LARGE1: variants seen among roughly 807,000 people sequenced by gnomAD.
LARGE1 encodes LARGE xylosyl- and glucuronyltransferase 1, also known as xylosyl- and glucuronyltransferase LARGE1.
In LARGE1, 43 loss-of-function variants were observed where a neutral mutation model predicts 87.6. The observed-to-expected ratio is 0.49, with a 90% CI of 0.38 to 0.63. LARGE1 has a LOEUF of 0.63. Ranked by LOEUF, LARGE1 falls within the 30% of genes least tolerant of loss-of-function variation. The probability of loss-of-function intolerance (pLI) is 0.00; values close to 1 mark genes in which losing one functional copy is unlikely to be tolerated. For missense variants in LARGE1, 802 were observed against 1,000.2 expected, an observed-to-expected ratio of 0.80 and a Z score of 2.67; for synonymous variants, 434 against 394.6, an observed-to-expected ratio of 1.10 and a Z score of -1.18.
Position 33,564,216 on chromosome 22 carries a change from C to G in LARGE1, c.787+632G>C, listed in dbSNP as rs572830156. Among the ~76,000 whole-genome samples, 22 of 152,094 alleles carry G rather than the reference C, an allele frequency of 1.4e-4. No homozygotes were observed. The South Asian group carries it at 4.6e-3, about 32-fold the overall frequency. On this transcript the variant is annotated intron_variant, in intron 6 of 14. Coordinates refer to ENST00000397394, the MANE Select transcript of LARGE1 (RefSeq NM_133642.5). Reference sequence around the variant, plus strand: ...TGGGAGAGGGGTATTAAAATAACAGCCTAAGATTTGTGCTAACCTGCCACT... The same window carrying G: ...TGGGAGAGGGGTATTAAAATAACAGGCTAAGATTTGTGCTAACCTGCCACT...
chr22:33,902,656 C>G (rs2065316942), intron 1 of LARGE1, among the ~76,000 whole-genome samples: 1 of 152,198 alleles, frequency 6.6e-6, no homozygotes, highest in South Asian at 2.1e-4. Context: ...CTAGGTGAAT[C>G]TGTTACTAAT....
intron 1 of LARGE1, among the ~76,000 whole-genome samples, chr22:33,912,933 T>C (rs1250392550): frequency 6.6e-6 from 1 of 151,858 alleles, no homozygotes; most frequent in Non-Finnish European, 1.5e-5. Context: ...GGAGTTCAAG[T>C]GACTCTCCTG....
intron 6 of LARGE1, among the ~76,000 whole-genome samples, chr22:33,480,948 A>T (rs2069294198): frequency 1.3e-5 from 2 of 152,154 alleles, no homozygotes; most frequent in South Asian, 4.1e-4. Flanking sequence ...ATATACCAAA[A>T]TTTAACAACT....
intron 6 of LARGE1, among the ~76,000 whole-genome samples, chr22:33,456,227 G>T (rs2068124693): frequency 6.6e-6 from 1 of 152,152 alleles, no homozygotes; most frequent in South Asian, 2.1e-4. Flanking sequence ...TGGTTCTGAT[G>T]GTCCAGGATT....
chr22:33,304,421 A>T lies in LARGE1; in HGVS notation c.1538T>A (p.Phe513Tyr). 2.5e-6 allele frequency: 4 copies of T among 1,614,174 alleles called. No individual in the cohort carries two copies. Among genetic ancestry groups the T allele is most frequent in the Non-Finnish European group, 3.4e-6 (4 of 1,180,026 alleles). ...LYLSDAEAQQ[F>Y]LRYAQGSEVL... ...CTCAGAGCCCTGTGCGTAGCGGAGG[A>T]ACTGCTGGGCCTCGGCGTCTGACAG... The change falls in exon 12 of 15, where the codon TTC (phenylalanine) becomes TAC (tyrosine). Residue 513 changes from phenylalanine (F) to tyrosine (Y), a missense_variant. By Grantham distance (22) the Phe-to-Tyr change is conservative. Transcript: ENST00000397394.
At chr22:33,814,479 G>A (rs1263721066) in intron 1 of LARGE1, among the ~76,000 whole-genome samples, 1 of 152,132 alleles carries the variant, frequency 6.6e-6, no homozygotes, top group African/African-American at 2.4e-5. Context: ...TGTAGATGTG[G>A]TTAATATCTA....
At chr22:33,153,001 G>T in the LARGE1 span, among the ~76,000 whole-genome samples, 2 of 151,868 alleles carry the variant, frequency 1.3e-5, no homozygotes, top group Non-Finnish European at 2.9e-5. Flanking sequence ...TTATCAGCTT[G>T]GTTTTTACTC....
intron 1 of LARGE1, among the ~76,000 whole-genome samples, chr22:33,900,208 G>A (rs756515866): frequency 3.6e-4 from 55 of 152,184 alleles, no homozygotes; most frequent in Non-Finnish European, 6.9e-4. Flanking sequence ...TCACTGGCCT[G>A]CAAGTCAGGA....
At chr22:33,911,794 G>A (rs991443363) in intron 1 of LARGE1, among the ~76,000 whole-genome samples, 2 of 152,018 alleles carry the variant, frequency 1.3e-5, no homozygotes, top group South Asian at 2.1e-4. Flanking sequence ...CCACAACAAT[G>A]ATCCTTCAGA....
chr22:33,550,284 A>G (rs1381925413), intron 6 of LARGE1, among the ~76,000 whole-genome samples: 1 of 152,134 alleles, frequency 6.6e-6, no homozygotes, highest in Non-Finnish European at 1.5e-5. Context: ...AGTCCACTAC[A>G]TATTCCTAAA....
At chr22:33,228,839 T>A (rs530547995) in intron 11 of LARGE1, among the ~76,000 whole-genome samples, 1 of 150,874 alleles carries the variant, frequency 6.6e-6, no homozygotes, top group African/African-American at 2.4e-5. Flanking sequence ...CCTGGGGAGG[T>A]GAGAGGGTGG....
Position 33,710,769 on chromosome 22 carries a change from C to A in LARGE1, c.106+50602G>T, listed in dbSNP as rs558008331. Among the ~76,000 whole-genome samples, 14 of 152,198 alleles carry A rather than the reference C, an allele frequency of 9.2e-5. 1 individual carries two copies. In the South Asian group the frequency reaches 2.9e-3, roughly 32 times the overall value. On this transcript the variant is annotated intron_variant, in intron 2 of 14. Coordinates refer to ENST00000397394, the MANE Select transcript of LARGE1 (RefSeq NM_133642.5). Reference sequence around the variant, plus strand: ...TACATCGATCCAAGTGTAACGGAGTCGTCCTACACATTAGAGAAGGAAATG... The same window carrying A: ...TACATCGATCCAAGTGTAACGGAGTAGTCCTACACATTAGAGAAGGAAATG...
intron 1 of LARGE1, among the ~76,000 whole-genome samples, chr22:33,786,853 C>T (rs1042570697): frequency 6.6e-6 from 1 of 152,016 alleles, no homozygotes; most frequent in Non-Finnish European, 1.5e-5. Flanking sequence ...AACTCCGTCT[C>T]TACTAAAAAA....
chr22:33,336,652 T>G (rs1210598607), intron 10 of LARGE1, among the ~76,000 whole-genome samples: 1 of 152,172 alleles, frequency 6.6e-6, no homozygotes, highest in Non-Finnish European at 1.5e-5. Context: ...TCTGTTAAAG[T>G]GCCTCTTCTC....
intron 6 of LARGE1, among the ~76,000 whole-genome samples, chr22:33,458,582 T>A (rs1239222230): frequency 1.3e-5 from 2 of 151,936 alleles, no homozygotes; most frequent in African/African-American, 4.8e-5. Flanking sequence ...TGTGCCACCA[T>A]GCCCGGCTAA....
intron 6 of LARGE1, among the ~76,000 whole-genome samples, chr22:33,543,863 T>C (rs975270063): frequency 6.6e-6 from 1 of 152,232 alleles, no homozygotes; most frequent in African/African-American, 2.4e-5. Context: ...AGACTGGCCC[T>C]TGGCTGGCAT....
intron 12 of LARGE1, among the ~76,000 whole-genome samples, chr22:33,286,180 C>A (rs904385633): frequency 6.6e-6 from 1 of 152,206 alleles, no homozygotes. Flanking sequence ...ATTCTTCTCC[C>A]GCTTTGTCTG....
chr22:33,672,332 T>G (rs2081441493), intron 2 of LARGE1, among the ~76,000 whole-genome samples: 1 of 152,190 alleles, frequency 6.6e-6, no homozygotes, highest in Non-Finnish European at 1.5e-5. Flanking sequence ...CTATTAACCC[T>G]TCCACCTCAT....
chr22:33,853,665 C>T (rs554939886), intron 1 of LARGE1, among the ~76,000 whole-genome samples: 10 of 152,164 alleles, frequency 6.6e-5, no homozygotes, highest in South Asian at 2.1e-4. Context: ...CCACATATGC[C>T]GAAGATAGCA....
Sources: allele counts gnomAD v4.1 joint callset (sites outside exome capture counted in the v4.1 genomes callset), GRCh38; gene constraint gnomAD v4.1.1; transcripts MANE v1.5; gene names NCBI Gene and HGNC (gene_info 2026-07-23, HGNC 2026-07-21).